NKAIN2: variants seen among roughly 807,000 people sequenced by gnomAD.
NKAIN2 encodes sodium/potassium transporting ATPase interacting 2.
A neutral mutation model predicts 32.6 loss-of-function variants in NKAIN2; 14 were observed. That is an observed-to-expected ratio of 0.43 (90% CI 0.28 to 0.67). The LOEUF is 0.67. NKAIN2 is among the 30% of genes least tolerant of loss of function. NKAIN2 has a pLI of 0.17. For missense variants in NKAIN2, 198 were observed against 258.3 expected, an observed-to-expected ratio of 0.77 and a Z score of 1.60; for synonymous variants, 80 against 87.2, an observed-to-expected ratio of 0.92 and a Z score of 0.46.
chr6:124,803,982 T>A (rs4896547), intron 5 of NKAIN2, among the ~76,000 whole-genome samples: 3 of 152,058 alleles, frequency 2.0e-5, no homozygotes, highest in South Asian at 4.1e-4. Flanking sequence ...CCTTCGAAGC[T>A]GAAATTGCTT....
chr6:123,977,209 TTAACAG>T (rs1778684164), intron 1 of NKAIN2, among the ~76,000 whole-genome samples: 1 of 152,124 alleles, frequency 6.6e-6, no homozygotes, highest in African/African-American at 2.4e-5. Flanking sequence ...CTCCTTAACA[TTAACAG>T]TAATATTGAC....
At chr6:124,380,362 T>C (rs1443019799) in intron 3 of NKAIN2, among the ~76,000 whole-genome samples, 3 of 152,372 alleles carry the variant, frequency 2.0e-5, no homozygotes, top group African/African-American at 7.2e-5. Flanking sequence ...CTAGGGACTA[T>C]ATTTCATGTC....
intron 4 of NKAIN2, among the ~76,000 whole-genome samples, chr6:124,759,632 CACACACACACACACACACACACA>C (rs1481582427): frequency 1.1e-4 from 16 of 141,180 alleles, no homozygotes; most frequent in Non-Finnish European, 2.0e-4. Flanking sequence ...CACACACACA[CACACACACACACACACACACACA>C]CCCCCTATCT....
In NKAIN2 at chr6:123,850,956, T is replaced by A. The variant is rs908793547; in HGVS notation, c.54+46702T>A. On this transcript the variant is annotated intron_variant, in intron 1 of 6. Coordinates refer to ENST00000368417, the MANE Select transcript of NKAIN2 (RefSeq NM_001040214.3). ...TGAGATCATGTGGTATTTGTTTTTC[T>A]GTGCCTGGCTTATTTCACTTAACAG... Among the ~76,000 whole-genome samples, 7 of 152,234 alleles carry A rather than the reference T, an allele frequency of 4.6e-5. No individual in the cohort carries two copies. The East Asian group carries it at 1.3e-3, about 29-fold the overall frequency.
intron 3 of NKAIN2, among the ~76,000 whole-genome samples, chr6:124,594,340 G>T (rs1302351500): frequency 6.6e-6 from 1 of 152,170 alleles, no homozygotes; most frequent in African/African-American, 2.4e-5. Flanking sequence ...GACAGAGAGG[G>T]GAGCCTAGGA....
At chr6:124,100,189 A>G (rs1004363433) in intron 1 of NKAIN2, among the ~76,000 whole-genome samples, 11 of 152,236 alleles carry the variant, frequency 7.2e-5, no homozygotes, top group Admixed American at 2.6e-4. Flanking sequence ...CTTGAGACAC[A>G]AAGCGATGCT....
intron 1 of NKAIN2, among the ~76,000 whole-genome samples, chr6:124,225,433 A>G (rs1425574863): frequency 6.6e-6 from 1 of 152,018 alleles, no homozygotes; most frequent in Non-Finnish European, 1.5e-5. Context: ...CTTATTTCCT[A>G]AAATAATCCA....
intron 1 of NKAIN2, among the ~76,000 whole-genome samples, chr6:124,026,610 C>T (rs1314195913): frequency 6.6e-6 from 1 of 152,192 alleles, no homozygotes; most frequent in Non-Finnish European, 1.5e-5. Context: ...AGACACTCAT[C>T]ATCAATCATT....
intron 3 of NKAIN2, among the ~76,000 whole-genome samples, chr6:124,570,756 G>A (rs1256711904): frequency 6.6e-6 from 1 of 152,212 alleles, no homozygotes; most frequent in African/African-American, 2.4e-5. Flanking sequence ...GGGTTATGGG[G>A]TTGGAGCTCC....
chr6:124,742,252 A>G (rs968523961), intron 4 of NKAIN2, among the ~76,000 whole-genome samples: 1 of 151,838 alleles, frequency 6.6e-6, no homozygotes, highest in Non-Finnish European at 1.5e-5. Flanking sequence ...TTGAATCAAT[A>G]AACTGAGTAA....
intron 1 of NKAIN2, among the ~76,000 whole-genome samples, chr6:124,160,215 C>T (rs1044173891): frequency 6.6e-6 from 1 of 152,002 alleles, no homozygotes; most frequent in Non-Finnish European, 1.5e-5. Flanking sequence ...GAAAATTTTC[C>T]CCTCGCTTTA....
At chr6:124,237,711 G>A (rs1242351462) in intron 1 of NKAIN2, among the ~76,000 whole-genome samples, 1 of 152,134 alleles carries the variant, frequency 6.6e-6, no homozygotes, top group Non-Finnish European at 1.5e-5. Flanking sequence ...AAAAATACTA[G>A]GAAAGTGTAG....
At chr6:124,449,535 AG>A (rs1776018499) in intron 3 of NKAIN2, among the ~76,000 whole-genome samples, 1 of 152,160 alleles carries the variant, frequency 6.6e-6, no homozygotes, top group African/African-American at 2.4e-5. Context: ...GGTCAGGCAA[AG>A]GATGCATACA....
chr6:123,898,000 T>C (rs1203429730), intron 1 of NKAIN2, among the ~76,000 whole-genome samples: 3 of 152,226 alleles, frequency 2.0e-5, no homozygotes, highest in Non-Finnish European at 1.5e-5. Flanking sequence ...CTTTTATCAA[T>C]GATTTTCAGA....
intron 2 of NKAIN2, among the ~76,000 whole-genome samples, chr6:124,303,729 A>G (rs1187130283): frequency 6.6e-6 from 1 of 152,242 alleles, no homozygotes; most frequent in Non-Finnish European, 1.5e-5. Context: ...ATCTGGAGAC[A>G]ATATAAAGGG....
At chr6:124,096,284 G>C (rs559132380) in intron 1 of NKAIN2, among the ~76,000 whole-genome samples, 26 of 152,072 alleles carry the variant, frequency 1.7e-4, no homozygotes, top group Non-Finnish European at 1.3e-4. Flanking sequence ...TCTTTTCTTT[G>C]TTGAGATCTA....
chr6:124,242,889 G>A (rs1263491924), intron 1 of NKAIN2, among the ~76,000 whole-genome samples: 1 of 151,668 alleles, frequency 6.6e-6, no homozygotes, highest in African/African-American at 2.4e-5. Context: ...GGCATGTCAG[G>A]GGCTGGGGGG....
intron 4 of NKAIN2, among the ~76,000 whole-genome samples, chr6:124,761,454 C>T (rs76435254): frequency 0.023 from 3,473 of 152,252 alleles, 124 homozygotes; most frequent in African/African-American, 0.078. Context: ...TGTTCTCTAA[C>T]CACCTCTTTC....
chr6:124,818,157 C>A (rs1029790109), intron 5 of NKAIN2, among the ~76,000 whole-genome samples: 1 of 151,966 alleles, frequency 6.6e-6, no homozygotes, highest in African/African-American at 2.4e-5. Flanking sequence ...TGAATAAATT[C>A]TTGTAAGGCA....
Sources: allele counts gnomAD v4.1 joint callset (sites outside exome capture counted in the v4.1 genomes callset), GRCh38; gene constraint gnomAD v4.1.1; transcripts MANE v1.5; gene names NCBI Gene and HGNC (gene_info 2026-07-23, HGNC 2026-07-21).